The following SPARCL1 variants were observed in gnomAD, a reference collection of about 807,000 sequenced individuals.
SPARCL1 encodes the protein SPARC-like protein 1.
A neutral mutation model predicts 67.1 loss-of-function variants in SPARCL1; 52 were observed. That is an observed-to-expected ratio of 0.78 (90% CI 0.62 to 0.98). The LOEUF (loss-of-function observed/expected upper bound fraction) is 0.98. Among genes scored for constraint, SPARCL1 ranks in the 50% least tolerant of loss-of-function variants. The pLI is 0.00. For missense variants in SPARCL1, 717 were observed against 782.4 expected (o/e 0.92, Z 1.00); for synonymous variants, 226 against 267.8 (o/e 0.84, Z 1.52).
intron 1 of SPARCL1, among the ~76,000 whole-genome samples, chr4:87,518,331 C>T (rs1389280059): frequency 6.6e-6 from 1 of 152,200 alleles, no homozygotes; most frequent in East Asian, 1.9e-4. Flanking sequence ...CTTAATGGCT[C>T]GTGCCTGTAG....
At chr4:87,520,746 G>C (rs1725778604) in intron 1 of SPARCL1, among the ~76,000 whole-genome samples, 1 of 152,162 alleles carries the variant, frequency 6.6e-6, no homozygotes, top group South Asian at 2.1e-4. Context: ...CCCTGGAAAA[G>C]CAAGGAAAAG....
At chr4:87,510,797 C>A (rs1188319723) in intron 1 of SPARCL1, among the ~76,000 whole-genome samples, 1 of 152,256 alleles carries the variant, frequency 6.6e-6, no homozygotes, top group Admixed American at 6.5e-5. Flanking sequence ...AGTTGCCCTA[C>A]GTGATGAGGC....
chr4:87,487,203 T>C (rs1724114670), intron 7 of SPARCL1, among the ~76,000 whole-genome samples: 1 of 152,148 alleles, frequency 6.6e-6, no homozygotes, highest in African/African-American at 2.4e-5. Flanking sequence ...GTCTTTACAA[T>C]TTGGTATGTT....
At chr4:87,527,555 T>C (rs1726099579) in intron 1 of SPARCL1, among the ~76,000 whole-genome samples, 1 of 152,240 alleles carries the variant, frequency 6.6e-6, no homozygotes, top group Non-Finnish European at 1.5e-5. Flanking sequence ...CTATTCATTT[T>C]ATTTCTGTCA....
At chr4:87,479,358 A>G (rs1161931871) in intron 10 of SPARCL1, 72 bp downstream of exon 10, 3 of 1,492,560 alleles carry the variant, frequency 2.0e-6, no homozygotes, top group African/African-American at 2.8e-5. Flanking sequence ...GGACCTCTCT[A>G]TGAAGCATGC....
intron 5 of SPARCL1, 24 bp downstream of exon 5, chr4:87,491,594 A>G: frequency 6.3e-7 from 1 of 1,587,586 alleles, no homozygotes; most frequent in Non-Finnish European, 8.6e-7. Context: ...ATAGTCACAA[A>G]CAGCTTGCTT....
intron 10 of SPARCL1, among the ~76,000 whole-genome samples, chr4:87,478,857 C>T (rs555520924): frequency 5.9e-5 from 9 of 152,182 alleles, no homozygotes; most frequent in Admixed American, 1.3e-4. Flanking sequence ...TTAATTTCCT[C>T]CACTGCAGGA....
chr4:87,486,805 C>T (rs116149024), intron 7 of SPARCL1, among the ~76,000 whole-genome samples: 3,524 of 149,618 alleles, frequency 0.024, 59 homozygotes, highest in Non-Finnish European at 0.037. Context: ...ATCTCTTTAC[C>T]ATTATGTGAT....
chr4:87,491,102 A>G (rs1236806432), intron 5 of SPARCL1, among the ~76,000 whole-genome samples: 1 of 152,202 alleles, frequency 6.6e-6, no homozygotes. Flanking sequence ...ATTTTACATG[A>G]TAATCTAGAT....
intron 7 of SPARCL1, among the ~76,000 whole-genome samples, chr4:87,485,435 A>G (rs576863942): frequency 2.0e-5 from 3 of 152,276 alleles, no homozygotes; most frequent in Non-Finnish European, 4.4e-5. Flanking sequence ...TGTGGTAGAT[A>G]AGCTTTTTGA....
At chr4:87,491,037 T>C (rs569046146) in intron 5 of SPARCL1, among the ~76,000 whole-genome samples, 159 bp from the exon 6 acceptor site, 10 of 152,252 alleles carry the variant, frequency 6.6e-5, no homozygotes, top group Non-Finnish European at 1.3e-4. Context: ...TCCTCTTTAA[T>C]TGATGTGTTA....
intron 10 of SPARCL1, among the ~76,000 whole-genome samples, chr4:87,477,127 C>G (rs779704759): frequency 2.0e-5 from 3 of 152,242 alleles, no homozygotes; most frequent in East Asian, 1.9e-4. Context: ...CCCAGACAAC[C>G]GCCCAGCGGA....
intron 1 of SPARCL1, among the ~76,000 whole-genome samples, chr4:87,521,173 T>C (rs1346395553): frequency 6.6e-6 from 1 of 152,182 alleles, no homozygotes; most frequent in Non-Finnish European, 1.5e-5. Flanking sequence ...TTCCTATAGT[T>C]TTTTAGAACA....
At position 87,473,628 on chromosome 4, in the gene SPARCL1, T is replaced by C. The variant is rs1016052487; in HGVS notation, c.*147A>G. The C allele has an allele frequency of 3.6e-6, 2 of 562,474 alleles. No individual in the cohort carries two copies. The highest frequency in any genetic ancestry group is 6.3e-6 in the Non-Finnish European group (2 of 315,326). 34.8% of individuals were successfully genotyped at this position (562,474 alleles called of 1,614,324 possible). A position where few individuals can be genotyped will look rare whatever the true frequency, so the allele number is the denominator to read the frequency against. On this transcript the variant is annotated 3_prime_UTR_variant, in exon 11 of 11. Transcript: ENST00000282470. ...TAATGTTAAATACCTGGTGCATAGG[T>C]TGTTGTCAAGCAATTACTCTCATTG...
intron 4 of SPARCL1, among the ~76,000 whole-genome samples, chr4:87,492,718 G>T (rs1724400646): frequency 6.6e-6 from 1 of 152,184 alleles, no homozygotes; most frequent in South Asian, 2.1e-4. Flanking sequence ...TAGAGTGGCA[G>T]CAGAGTTCTC....
chr4:87,488,619 G>T (rs1181031068), intron 7 of SPARCL1, among the ~76,000 whole-genome samples: 1 of 152,228 alleles, frequency 6.6e-6, no homozygotes, highest in African/African-American at 2.4e-5. Flanking sequence ...GAGCTTGAGT[G>T]CTGTGCTGGG....
Position 87,482,413 on chromosome 4 carries a change from G to A in SPARCL1, c.1668+11C>T. On this transcript the variant is annotated intron_variant, in intron 8 of 10. Transcript: ENST00000282470. ...ACAGACATTGAAGAAGCTAACCTGT[G>A]GATAACTTACTTTATTTCTCTGCTT... The A allele has an allele frequency of 6.2e-7, 1 of 1,612,058 alleles. No homozygotes were observed. Among genetic ancestry groups the A allele is most frequent in the South Asian group, 1.1e-5 (1 of 91,012 alleles).
At position 87,481,481 on chromosome 4, in the gene SPARCL1, G is replaced by C. The variant is rs190273531; in HGVS notation, c.1668+943C>G. Among the ~76,000 whole-genome samples, 27 of 152,156 alleles carry C rather than the reference G, an allele frequency of 1.8e-4. No homozygotes were observed. The East Asian group carries it at 5.2e-3, about 29-fold the overall frequency. On this transcript the variant is annotated intron_variant, in intron 8 of 10. Coordinates refer to ENST00000282470, the MANE Select transcript of SPARCL1 (RefSeq NM_004684.6). The stretch of plus-strand genomic sequence containing the variant: ...ATACTTGCTGCATCCATTCCTCCTA[G>C]TCTCTGTTGAACTCTGTCCACTGGA...
intron 8 of SPARCL1, 60 bp downstream of exon 8, chr4:87,482,364 G>A (rs762040300): frequency 2.0e-5 from 31 of 1,581,248 alleles, no homozygotes; most frequent in South Asian, 4.5e-5. Context: ...CCCCCACCAC[G>A]TCTTTCTTCC....
Sources: allele counts gnomAD v4.1 joint callset (sites outside exome capture counted in the v4.1 genomes callset), GRCh38; gene constraint gnomAD v4.1.1; transcripts MANE v1.5; gene names NCBI Gene and HGNC (gene_info 2026-07-23, HGNC 2026-07-21).